DPP10: variants seen among roughly 807,000 people sequenced by gnomAD.
DPP10 encodes the protein dipeptidyl peptidase like 10.
A neutral mutation model predicts 120.9 loss-of-function variants in DPP10; 33 were observed. The observed-to-expected ratio is 0.27, with a 90% CI of 0.21 to 0.37. DPP10 has a LOEUF of 0.37. Ranked by LOEUF, DPP10 falls within the 10% of genes least tolerant of loss-of-function variation. The pLI, the probability that DPP10 is intolerant of heterozygous loss-of-function variation, is 1.00. For synonymous variants in DPP10, 337 were observed against 326.1 expected, an observed-to-expected ratio of 1.03 and a Z score of -0.36; for missense variants, 816 against 942.8, an observed-to-expected ratio of 0.87 and a Z score of 1.76.
intron 1 of DPP10, among the ~76,000 whole-genome samples, chr2:114,944,010 GT>G (rs932118400): frequency 6.6e-6 from 1 of 151,910 alleles, no homozygotes; most frequent in East Asian, 1.9e-4. Context: ...AGTTAGCTTG[GT>G]TTTTTATCTT....
At chr2:114,509,584 C>T (rs928006839) in intron 1 of DPP10, among the ~76,000 whole-genome samples, 7 of 152,306 alleles carry the variant, frequency 4.6e-5, no homozygotes, top group East Asian at 1.9e-4. Flanking sequence ...AAGGAGACAG[C>T]GTAGGGCTCC....
intron 1 of DPP10, among the ~76,000 whole-genome samples, chr2:115,076,493 T>C (rs1337274215): frequency 6.6e-6 from 1 of 152,050 alleles, no homozygotes; most frequent in Non-Finnish European, 1.5e-5. Context: ...GGATAATAAT[T>C]TCTATAAATG....
chr2:115,160,373 G>A (rs2104952844), intron 1 of DPP10, among the ~76,000 whole-genome samples: 1 of 152,174 alleles, frequency 6.6e-6, no homozygotes, highest in South Asian at 2.1e-4. Flanking sequence ...TTAATATTTA[G>A]GACAACATTA....
intron 1 of DPP10, among the ~76,000 whole-genome samples, chr2:114,710,670 A>G (rs111507854): frequency 0.016 from 2,401 of 152,318 alleles, 72 homozygotes; most frequent in African/African-American, 0.055. Flanking sequence ...CCATGAACCC[A>G]GGAGACGGAG....
At chr2:115,630,731 G>A (rs190833907) in intron 5 of DPP10, among the ~76,000 whole-genome samples, 2 of 152,252 alleles carry the variant, frequency 1.3e-5, no homozygotes, top group East Asian at 1.9e-4. Flanking sequence ...TGTTGAACTA[G>A]CCTTGTATCC....
chr2:115,480,993 T>A (rs1471845850), intron 3 of DPP10, among the ~76,000 whole-genome samples: 2 of 152,136 alleles, frequency 1.3e-5, no homozygotes, highest in Non-Finnish European at 2.9e-5. Context: ...GAATTAAATA[T>A]GATGCTAAGT....
chr2:115,131,494 T>G (rs929719120), intron 1 of DPP10, among the ~76,000 whole-genome samples: 1 of 151,892 alleles, frequency 6.6e-6, no homozygotes, highest in Non-Finnish European at 1.5e-5. Flanking sequence ...GCCTGGGCCA[T>G]AAAGCAAAAC....
intron 3 of DPP10, among the ~76,000 whole-genome samples, chr2:115,422,559 C>A (rs2070074696): frequency 6.6e-6 from 1 of 152,094 alleles, no homozygotes; most frequent in African/African-American, 2.4e-5. Flanking sequence ...ATTTTGTTTG[C>A]CCATGACTTT....
chr2:115,733,930 A>G (rs139038224), intron 8 of DPP10, among the ~76,000 whole-genome samples: 6 of 152,360 alleles, frequency 3.9e-5, no homozygotes, highest in African/African-American at 7.2e-5. Context: ...TGTAAATAAT[A>G]TAATATAATT....
At chr2:115,103,184 CTTTTTT>C (rs71394123) in intron 1 of DPP10, among the ~76,000 whole-genome samples, 75 of 122,142 alleles carry the variant, frequency 6.1e-4, no homozygotes, top group African/African-American at 2.2e-3. Flanking sequence ...CTGATTCTCT[CTTTTTT>C]TTTTTTTTTT....
intron 4 of DPP10, among the ~76,000 whole-genome samples, chr2:115,515,342 G>C (rs1316077572): frequency 6.6e-6 from 1 of 151,976 alleles, no homozygotes; most frequent in Non-Finnish European, 1.5e-5. Flanking sequence ...CTCTCTGTTA[G>C]TCCACTCTTC....
At chr2:115,469,383 T>G (rs1249486302) in intron 3 of DPP10, among the ~76,000 whole-genome samples, 2 of 152,098 alleles carry the variant, frequency 1.3e-5, no homozygotes, top group Non-Finnish European at 2.9e-5. Flanking sequence ...TCTGGGAGAG[T>G]GAAACCACAT....
intron 1 of DPP10, among the ~76,000 whole-genome samples, chr2:114,817,383 G>A (rs1254677594): frequency 6.6e-6 from 1 of 152,112 alleles, no homozygotes; most frequent in Non-Finnish European, 1.5e-5. Flanking sequence ...GTACAGAGGT[G>A]AGGATGAGGC....
intron 1 of DPP10, among the ~76,000 whole-genome samples, chr2:114,499,354 C>T (rs2104501504): frequency 6.6e-6 from 1 of 152,256 alleles, no homozygotes; most frequent in South Asian, 2.1e-4. Flanking sequence ...ATTTTTCTCC[C>T]TTCCTCTCCC....
At position 115,325,801 on chromosome 2, in the gene DPP10, G is replaced by A. The variant is rs1426672495; in HGVS notation, c.175+16448G>A. 3.9e-5 allele frequency among the ~76,000 whole-genome samples: 6 copies of A among 152,154 alleles called. No individual in the cohort carries two copies. The South Asian group carries it at 1.2e-3, about 32-fold the overall frequency. On this transcript the variant is annotated intron_variant, in intron 2 of 25. Transcript: ENST00000410059. ...TTAATGTCTAACTCAGAGGAAGATG[G>A]CAGAATTCTCATATGTGCTCCTCTG...
intron 1 of DPP10, among the ~76,000 whole-genome samples, chr2:114,503,377 C>T (rs1194376511): frequency 6.6e-6 from 1 of 152,032 alleles, no homozygotes; most frequent in Non-Finnish European, 1.5e-5. Context: ...TACTTTATAA[C>T]CAGGGTATAT....
chr2:115,711,851 G>A (rs757685143), intron 7 of DPP10, among the ~76,000 whole-genome samples: 1 of 149,088 alleles, frequency 6.7e-6, no homozygotes, highest in African/African-American at 2.5e-5. Flanking sequence ...TTTTACTTAA[G>A]AAGATATACT....
At chr2:114,764,841 T>C (rs755760953) in intron 1 of DPP10, among the ~76,000 whole-genome samples, 1 of 152,196 alleles carries the variant, frequency 6.6e-6, no homozygotes, top group Non-Finnish European at 1.5e-5. Flanking sequence ...TTGCAATTTA[T>C]GAATGCAATT....
At chr2:115,331,197 G>T (rs1314612903) in intron 2 of DPP10, among the ~76,000 whole-genome samples, 1 of 152,092 alleles carries the variant, frequency 6.6e-6, no homozygotes, top group Non-Finnish European at 1.5e-5. Context: ...AATTGTGAAT[G>T]GGAGTTCACT....
Sources: allele counts gnomAD v4.1 joint callset (sites outside exome capture counted in the v4.1 genomes callset), GRCh38; gene constraint gnomAD v4.1.1; transcripts MANE v1.5; gene names NCBI Gene and HGNC (gene_info 2026-07-23, HGNC 2026-07-21).